OGDHL: variants seen among roughly 807,000 people sequenced by gnomAD.
OGDHL encodes the protein 2-oxoglutarate dehydrogenase-like, mitochondrial.
A neutral mutation model predicts 109.6 loss-of-function variants in OGDHL; 79 were observed. The ratio of observed to expected loss-of-function variants is 0.72; its 90% CI spans 0.60 to 0.87. OGDHL has a LOEUF of 0.87. OGDHL is among the 40% of genes least tolerant of loss of function. OGDHL has a pLI of 0.00. For synonymous variants in OGDHL, 528 were observed against 537.2 expected (o/e 0.98, Z 0.24); for missense variants, 1,275 against 1,362.2 (o/e 0.94, Z 1.01).
intron 20 of OGDHL, 47 bp from the exon 21 acceptor site, chr10:49,736,567 C>T (rs1258258): frequency 0.46 from 729,477 of 1,589,234 alleles, 177,228 homozygotes; most frequent in East Asian, 0.87. Context: ...CCCAGAGGGG[C>T]TGGGGCAGCT....
intron 12 of OGDHL, 138 bp from the exon 13 acceptor site, chr10:49,744,890 T>G: frequency 1.4e-6 from 1 of 700,592 alleles, no homozygotes; most frequent in South Asian, 1.8e-5. Flanking sequence ...AGGGACCTCA[T>G]GGCTAGAAGC....
intron 6 of OGDHL, 66 bp from the exon 7 acceptor site, chr10:49,751,051 A>G: frequency 6.9e-7 from 1 of 1,448,378 alleles, no homozygotes; most frequent in Non-Finnish European, 9.4e-7. Context: ...TGGGGCTCAC[A>G]GGGGCTGTTC....
Position 49,760,205 on chromosome 10 carries a change from G to A in OGDHL, c.-1-1612C>T, listed in dbSNP as rs921260854. ...AAGATTCCACTGCAGGGAGGAGGGA[G>A]GTGAGCTTGGGAGCCTCTGAGTGCC... On this transcript the variant is annotated intron_variant, in intron 1 of 22. Coordinates refer to ENST00000374103, the MANE Select transcript of OGDHL (RefSeq NM_018245.3). Among the ~76,000 whole-genome samples the A allele has an allele frequency of 2.6e-5, 4 of 152,364 alleles. No individual in the cohort carries two copies. The East Asian group carries it at 7.7e-4, about 29-fold the overall frequency.
rs372225129 is a variant in OGDHL, at chr10:49,745,839, C to T, written c.1435G>A (p.Glu479Lys). Residue 479 changes from glutamate (E) to lysine (K), a missense_variant, in exon 11 of 23, where the codon GAA (glutamate) becomes AAA (lysine). Glu to Lys is a moderately conservative substitution (Grantham distance 56). Coordinates refer to ENST00000374103, the MANE Select transcript of OGDHL (RefSeq NM_018245.3). The part of the protein sequence containing the change: ...AVIYVCSVAA[E>K]WRNTFNKDVV... ...TCTTTGTTGAAAGTGTTTCTCCATT[C>T]GGCTGCCACACTGCACACATATATC... is the stretch of plus-strand genomic sequence containing the variant. 73 of 1,614,070 alleles carry T rather than the reference C, an allele frequency of 4.5e-5. No homozygotes were observed. Among genetic ancestry groups the T allele is most frequent in the Non-Finnish European group, 5.8e-5 (69 of 1,180,046 alleles).
At chr10:49,741,881 A>C in intron 15 of OGDHL, among the ~76,000 whole-genome samples, 1 of 145,258 alleles carries the variant, frequency 6.9e-6, no homozygotes, top group East Asian at 2.1e-4. Context: ...CACCACACAT[A>C]CCACACACAC....
chr10:49,746,360 A>G (rs1166369321), intron 10 of OGDHL, among the ~76,000 whole-genome samples: 1 of 152,214 alleles, frequency 6.6e-6, no homozygotes, highest in Non-Finnish European at 1.5e-5. Context: ...AGGATGTTCA[A>G]GGACGATGAC....
At chr10:49,737,423 C>A (rs1360251587) in intron 20 of OGDHL, among the ~76,000 whole-genome samples, 2 of 152,164 alleles carry the variant, frequency 1.3e-5, no homozygotes, top group African/African-American at 4.8e-5. Flanking sequence ...GGAGGGGACA[C>A]CAGGACCCCA....
chr10:49,737,329 C>T (rs1191972725), intron 20 of OGDHL, among the ~76,000 whole-genome samples: 1 of 152,188 alleles, frequency 6.6e-6, no homozygotes, highest in Non-Finnish European at 1.5e-5. Context: ...CACACCTGTC[C>T]TTCCCTGGAC....
intron 16 of OGDHL, among the ~76,000 whole-genome samples, chr10:49,740,146 G>T (rs1841538091): frequency 6.6e-6 from 1 of 152,160 alleles, no homozygotes; most frequent in South Asian, 2.1e-4. Context: ...GAGCTGCTAA[G>T]GAGAAGGGGC....
intron 11 of OGDHL, 143 bp downstream of exon 11, chr10:49,745,655 G>T: frequency 7.8e-7 from 1 of 1,289,828 alleles, no homozygotes. Context: ...CCAGGCCTTT[G>T]CACAGATTGC....
At chr10:49,758,699 G>A (rs1843072887) in intron 1 of OGDHL, 106 bp from the exon 2 acceptor site, 1 of 1,129,454 alleles carries the variant, frequency 8.9e-7, no homozygotes, top group Non-Finnish European at 1.3e-6. Context: ...CCACTGGGCA[G>A]ATGGTGCTGG....
chr10:49,745,575 C>A, intron 11 of OGDHL, 79 bp from the exon 12 acceptor site: 1 of 1,565,380 alleles, frequency 6.4e-7, no homozygotes, highest in Non-Finnish European at 8.7e-7. Flanking sequence ...TGGGGAATAT[C>A]TGGGTAGGGC....
chr10:49,750,993 G>A lies in OGDHL; in HGVS notation c.750-8C>T. ...GCCAGGAAGTCTTCAAACCTGCTTG[G>A]GGAGAGGATGGGAAGAGGAAAGGGA... On this transcript the variant is annotated splice_region_variant and splice_polypyrimidine_tract_variant and intron_variant, in intron 6 of 22. Transcript: ENST00000374103. The A allele has an allele frequency of 6.3e-7, 1 of 1,588,456 alleles. No homozygotes were observed. The highest frequency in any genetic ancestry group is 1.3e-5 in the African/African-American group (1 of 74,606).
chr10:49,761,765 A>G (rs867378526), intron 1 of OGDHL, among the ~76,000 whole-genome samples: 2 of 152,240 alleles, frequency 1.3e-5, no homozygotes, highest in African/African-American at 4.8e-5. Flanking sequence ...GCCCTCTCTC[A>G]GGCCTCAGTT....
chr10:49,753,949 G>C (rs7099245), intron 3 of OGDHL, among the ~76,000 whole-genome samples: 33,051 of 151,144 alleles, frequency 0.22, 4,035 homozygotes, highest in African/African-American at 0.31. Context: ...GTGAGCTCTG[G>C]GAAATCAAAC....
chr10:49,752,560 G>T, intron 4 of OGDHL, 78 bp downstream of exon 4: 1 of 1,212,868 alleles, frequency 8.2e-7, no homozygotes, highest in Non-Finnish European at 1.2e-6. Flanking sequence ...CAAGGATCAG[G>T]CTGTCCCTAG....
At chr10:49,751,363 G>A (rs143040690) in intron 6 of OGDHL, among the ~76,000 whole-genome samples, 1 of 152,170 alleles carries the variant, frequency 6.6e-6, no homozygotes, top group African/African-American at 2.4e-5. Flanking sequence ...TCTCCACCCA[G>A]CCAGATCCAA....
At chr10:49,746,258 C>T (rs991781529) in intron 10 of OGDHL, among the ~76,000 whole-genome samples, 11 of 152,324 alleles carry the variant, frequency 7.2e-5, no homozygotes, top group African/African-American at 2.4e-4. Flanking sequence ...CCAGTCCTAA[C>T]AACGGCTAAC....
chr10:49,737,186 C>T (rs1298148842), intron 20 of OGDHL, among the ~76,000 whole-genome samples: 1 of 152,176 alleles, frequency 6.6e-6, no homozygotes. Context: ...GCTCTAACAG[C>T]TGCCCACCTG....
Sources: gnomAD v4.1 joint callset for allele counts (sites outside exome capture counted in the v4.1 genomes callset) on GRCh38, gnomAD v4.1.1 for gene constraint, MANE v1.5 for transcripts, NCBI Gene and HGNC (gene_info 2026-07-23, HGNC 2026-07-21) for gene names.